C3orf22: variants seen among roughly 807,000 people sequenced by gnomAD.
C3orf22 encodes chromosome 3 open reading frame 22.
C3orf22 carries 7 observed loss-of-function variants against 10.8 expected under a neutral mutation model. The ratio of observed to expected loss-of-function variants is 0.65; its 90% CI spans 0.37 to 1.22. The LOEUF (loss-of-function observed/expected upper bound fraction) is 1.22. Among genes scored for constraint, C3orf22 ranks in the 50% most tolerant of loss-of-function variants. The probability of loss-of-function intolerance (pLI) is 0.02; values close to 1 mark genes in which losing one functional copy is unlikely to be tolerated. For synonymous variants in C3orf22, 79 were observed against 78.9 expected, an observed-to-expected ratio of 1.00 and a Z score of 0.00; for missense variants, 173 against 177.0, an observed-to-expected ratio of 0.98 and a Z score of 0.13.
intron 4 of C3orf22, chr3:126,541,790 G>C: frequency 6.5e-7 from 1 of 1,542,152 alleles, no homozygotes; most frequent in Non-Finnish European, 8.7e-7. Flanking sequence ...GCTGAACAGC[G>C]CCTGTAGCCG....
At chr3:126,544,265 G>C (rs1325146528) in intron 4 of C3orf22, among the ~76,000 whole-genome samples, 1 of 152,132 alleles carries the variant, frequency 6.6e-6, no homozygotes, top group Non-Finnish European at 1.5e-5. Context: ...TACCACCTCC[G>C]GACTGTCCAG....
intron 4 of C3orf22, among the ~76,000 whole-genome samples, chr3:126,531,009 G>A (rs113026099): frequency 5.3e-5 from 8 of 152,258 alleles, no homozygotes; most frequent in Non-Finnish European, 1.0e-4. Context: ...TGGACAATGG[G>A]CTTTAGGGTT....
At chr3:126,529,279 G>A in exon 5 of C3orf22, 1 of 1,270,344 alleles carries the variant, frequency 7.9e-7, no homozygotes, top group Non-Finnish European at 1.0e-6. Flanking sequence ...CGGGTGTCCT[G>A]TGTGCAGCAA....
At chr3:126,553,523 G>A in intron 1 of C3orf22, 93 bp from the exon 2 acceptor site, 1 of 802,674 alleles carries the variant, frequency 1.2e-6, no homozygotes, top group East Asian at 2.4e-5. Context: ...GGTGCCTGCG[G>A]GCCGCCAAAT....
At chr3:126,539,857 ACACCC>A in intron 4 of C3orf22, among the ~76,000 whole-genome samples, 1 of 37,166 alleles carries the variant, frequency 2.7e-5, no homozygotes, top group East Asian at 8.6e-4. Flanking sequence ...TCACACACAC[ACACCC>A]CACACCACAC....
At chr3:126,542,339 G>A (rs745595048) in intron 4 of C3orf22, 5 of 1,565,974 alleles carry the variant, frequency 3.2e-6, no homozygotes, top group Non-Finnish European at 3.5e-6. Context: ...CCGCTACGAC[G>A]TCGTGGGCAA....
At chr3:126,542,076 A>G in intron 4 of C3orf22, 3 of 1,583,610 alleles carry the variant, frequency 1.9e-6, no homozygotes, top group Non-Finnish European at 2.6e-6. Flanking sequence ...TTCGTGCGGG[A>G]GCCCTTCGAG....
chr3:126,540,565 C>T (rs1408787444), intron 4 of C3orf22, among the ~76,000 whole-genome samples: 3 of 152,346 alleles, frequency 2.0e-5, no homozygotes, highest in South Asian at 2.1e-4. Flanking sequence ...GTGTCAGCAC[C>T]GCATTCCTTT....
chr3:126,542,128 C>G, intron 4 of C3orf22: 1 of 1,569,914 alleles, frequency 6.4e-7, no homozygotes, highest in African/African-American at 1.4e-5. Context: ...CGCGCCCCTA[C>G]AGCGCCGCCT....
intron 4 of C3orf22, among the ~76,000 whole-genome samples, chr3:126,539,065 C>T (rs984288028): frequency 6.6e-6 from 1 of 152,114 alleles, no homozygotes; most frequent in Non-Finnish European, 1.5e-5. Flanking sequence ...TTGAGAATCT[C>T]ACCTACAGGC....
chr3:126,556,315 C>T (rs1396125084), intron 1 of C3orf22, among the ~76,000 whole-genome samples: 2 of 152,150 alleles, frequency 1.3e-5, no homozygotes, highest in African/African-American at 4.8e-5. Context: ...GCTCCCTTGC[C>T]CCTCTTTGGG....
chr3:126,545,162 C>A (rs139846017), downstream of C3orf22, among the ~76,000 whole-genome samples: 4 of 152,360 alleles, frequency 2.6e-5, no homozygotes, highest in Admixed American at 6.5e-5. Context: ...CCATCTGGCA[C>A]CTCCTTCAGG....
At chr3:126,556,594 G>A (rs1190296749) in intron 1 of C3orf22, among the ~76,000 whole-genome samples, 1 of 151,992 alleles carries the variant, frequency 6.6e-6, no homozygotes, top group Non-Finnish European at 1.5e-5. Context: ...CCCAGGCCAA[G>A]AAGGCGGCCG....
At chr3:126,530,316 T>C (rs944826527) in intron 4 of C3orf22, among the ~76,000 whole-genome samples, 5 of 152,222 alleles carry the variant, frequency 3.3e-5, no homozygotes, top group Admixed American at 6.5e-5. Flanking sequence ...GCTGTTATGG[T>C]ACCCACTTTC....
chr3:126,536,803 A>G (rs763639384), intron 4 of C3orf22, among the ~76,000 whole-genome samples: 15 of 151,726 alleles, frequency 9.9e-5, no homozygotes, highest in Non-Finnish European at 1.9e-4. Flanking sequence ...TGCAGGGACC[A>G]CACACAACCC....
chr3:126,536,205 C>A, intron 4 of C3orf22: 3 of 1,447,218 alleles, frequency 2.1e-6, no homozygotes, highest in South Asian at 1.2e-5. Flanking sequence ...GATGGGTTGG[C>A]CAAACCCCCA....
intron 4 of C3orf22, chr3:126,541,752 C>G (rs1209497546): frequency 1.3e-6 from 2 of 1,497,854 alleles, no homozygotes; most frequent in South Asian, 1.3e-5. Flanking sequence ...TCGACCCTGG[C>G]GAAGGTGCAC....
At chr3:126,554,331 T>C (rs1434509812) in intron 1 of C3orf22, among the ~76,000 whole-genome samples, 1 of 150,596 alleles carries the variant, frequency 6.6e-6, no homozygotes, top group Non-Finnish European at 1.5e-5. Context: ...TGGCATGATC[T>C]TGGCTCACTG....
downstream of C3orf22, among the ~76,000 whole-genome samples, chr3:126,547,419 A>G (rs576697483): frequency 9.8e-5 from 15 of 152,332 alleles, no homozygotes; most frequent in African/African-American, 3.1e-4. Context: ...CTCAGTGCAC[A>G]AGGCAGGGGC....
Sources: allele counts gnomAD v4.1 joint callset (sites outside exome capture counted in the v4.1 genomes callset), GRCh38; gene constraint gnomAD v4.1.1; transcripts MANE v1.5; gene names NCBI Gene and HGNC (gene_info 2026-07-23, HGNC 2026-07-21).